IL6R: variants seen among roughly 807,000 people sequenced by gnomAD.
IL6R encodes the protein interleukin-6 receptor subunit alpha.
IL6R carries 38 observed loss-of-function variants against 48.3 expected under a neutral mutation model. That is an observed-to-expected ratio of 0.79 (90% confidence interval 0.61 to 1.03). The LOEUF (loss-of-function observed/expected upper bound fraction) is 1.03. Among genes scored for constraint, IL6R ranks in the 50% least tolerant of loss-of-function variants. The pLI is 0.00. For missense variants in IL6R, 534 were observed against 618.3 expected (o/e 0.86, Z 1.45); for synonymous variants, 264 against 256.2 (o/e 1.03, Z -0.29).
chr1:154,458,127 T>C (rs1189748527), intron 9 of IL6R, among the ~76,000 whole-genome samples: 5 of 151,854 alleles, frequency 3.3e-5, no homozygotes, highest in East Asian at 3.9e-4. Context: ...CCACCACGCC[T>C]GGCTAATTTT....
At chr1:154,425,286 A>G (rs1457442489) in intron 1 of IL6R, among the ~76,000 whole-genome samples, 2 of 152,172 alleles carry the variant, frequency 1.3e-5, no homozygotes, top group Non-Finnish European at 2.9e-5. Context: ...ACACACGCCA[A>G]CACCAGCAGT....
intron 1 of IL6R, among the ~76,000 whole-genome samples, chr1:154,420,684 C>T (rs182994485): frequency 6.6e-6 from 1 of 151,732 alleles, no homozygotes; most frequent in Non-Finnish European, 1.5e-5. Flanking sequence ...TACAGGCACA[C>T]ACCACCAAGC....
At chr1:154,407,722 A>G (rs1687810707) in intron 1 of IL6R, among the ~76,000 whole-genome samples, 2 of 152,202 alleles carry the variant, frequency 1.3e-5, no homozygotes, top group Middle Eastern at 3.4e-3. Flanking sequence ...TAGAGCCCAG[A>G]GGTTTGTTTT....
intron 1 of IL6R, among the ~76,000 whole-genome samples, chr1:154,428,731 G>T (rs1689113559): frequency 6.6e-6 from 1 of 152,204 alleles, no homozygotes; most frequent in Admixed American, 6.5e-5. Flanking sequence ...TGGAGCTGGG[G>T]GACCGGAAAC....
intron 1 of IL6R, among the ~76,000 whole-genome samples, chr1:154,408,497 G>A (rs181826097): frequency 2.0e-5 from 3 of 152,258 alleles, no homozygotes; most frequent in East Asian, 3.9e-4. Flanking sequence ...CCAACTACCC[G>A]TGAACAGATT....
At chr1:154,441,482 T>C (rs994802630) in intron 6 of IL6R, among the ~76,000 whole-genome samples, 1 of 152,062 alleles carries the variant, frequency 6.6e-6, no homozygotes, top group Admixed American at 6.6e-5. Flanking sequence ...CAAAACCCAG[T>C]TGTGAATATA....
At chr1:154,457,653 A>G (rs1690967287) in intron 9 of IL6R, among the ~76,000 whole-genome samples, 1 of 152,214 alleles carries the variant, frequency 6.6e-6, no homozygotes, top group African/African-American at 2.4e-5. Flanking sequence ...TCAGTGAACA[A>G]GCAATAATGA....
In IL6R at chr1:154,418,112, C is replaced by T. The variant is rs559619295; in HGVS notation, c.86-11084C>T. On this transcript the variant is annotated intron_variant, in intron 1 of 9. Coordinates refer to ENST00000368485, the MANE Select transcript of IL6R (RefSeq NM_000565.4). The stretch of plus-strand genomic sequence containing the variant: ...CTTGAACTCCTGATCTCAGGTGATC[C>T]GCCAGCCTCAGCCTCCCAAAGTGCT... Among the ~76,000 whole-genome samples the T allele has an allele frequency of 7.9e-5, 12 of 152,284 alleles. No homozygotes were observed. The East Asian group carries it at 1.7e-3, about 22-fold the overall frequency.
intron 1 of IL6R, among the ~76,000 whole-genome samples, chr1:154,422,436 A>T (rs1213986549): frequency 6.6e-6 from 1 of 152,164 alleles, no homozygotes; most frequent in Non-Finnish European, 1.5e-5. Context: ...TGTATTACAG[A>T]TAGTTTTAAG....
chr1:154,412,097 G>A (rs1268554782), intron 1 of IL6R, among the ~76,000 whole-genome samples: 2 of 149,422 alleles, frequency 1.3e-5, no homozygotes, highest in Non-Finnish European at 1.5e-5. Flanking sequence ...ACAGGCATCC[G>A]CCACGACGCC....
At chr1:154,420,481 C>T (rs1431101343) in intron 1 of IL6R, among the ~76,000 whole-genome samples, 1 of 151,158 alleles carries the variant, frequency 6.6e-6, no homozygotes, top group Admixed American at 6.6e-5. Flanking sequence ...ACCAAGGGGC[C>T]TCCTGCTTGT....
chr1:154,426,376 C>G (rs1570945443), intron 1 of IL6R, among the ~76,000 whole-genome samples: 1 of 151,892 alleles, frequency 6.6e-6, no homozygotes, highest in Admixed American at 6.6e-5. Context: ...AAAAAATTAG[C>G]CGGGCATGGT....
intron 3 of IL6R, among the ~76,000 whole-genome samples, chr1:154,431,882 A>T (rs1321474054): frequency 6.6e-6 from 1 of 152,184 alleles, no homozygotes; most frequent in African/African-American, 2.4e-5. Context: ...AAATCTCGTC[A>T]CACTTCTCAG....
intron 1 of IL6R, among the ~76,000 whole-genome samples, chr1:154,408,728 T>A (rs1687869933): frequency 6.6e-6 from 1 of 152,128 alleles, no homozygotes; most frequent in Non-Finnish European, 1.5e-5. Flanking sequence ...GTCTCCTGAA[T>A]CCTGGTCCCA....
At chr1:154,408,538 G>A (rs1687858795) in intron 1 of IL6R, among the ~76,000 whole-genome samples, 1 of 152,116 alleles carries the variant, frequency 6.6e-6, no homozygotes, top group African/African-American at 2.4e-5. Flanking sequence ...TGGTTAGAGA[G>A]AGGAAGTTCC....
At chr1:154,427,400 A>G (rs983959950) in intron 1 of IL6R, among the ~76,000 whole-genome samples, 2 of 152,196 alleles carry the variant, frequency 1.3e-5, no homozygotes, top group African/African-American at 4.8e-5. Flanking sequence ...CGTGGGAGAA[A>G]GTAAGGCCAT....
At chr1:154,415,065 C>A in intron 1 of IL6R, 1 of 1,413,496 alleles carries the variant, frequency 7.1e-7, no homozygotes. Flanking sequence ...CTTGAGGCAG[C>A]CCAGCTCTTC....
chr1:154,452,648 G>A (rs568304426), intron 8 of IL6R, among the ~76,000 whole-genome samples: 9 of 151,780 alleles, frequency 5.9e-5, no homozygotes, highest in East Asian at 2.0e-4. Context: ...TGGCTAACAC[G>A]GTGAAACCCC....
chr1:154,424,733 C>T (rs140318359), intron 1 of IL6R, among the ~76,000 whole-genome samples: 3 of 152,296 alleles, frequency 2.0e-5, no homozygotes, highest in African/African-American at 7.2e-5. Flanking sequence ...TGGTAAACTG[C>T]TGCCTCCATC....
Sources: allele counts gnomAD v4.1 joint callset (sites outside exome capture counted in the v4.1 genomes callset), GRCh38; gene constraint gnomAD v4.1.1; transcripts MANE v1.5; gene names NCBI Gene and HGNC (gene_info 2026-07-23, HGNC 2026-07-21).